Variants in MYO5B observed in about 807,000 individuals in gnomAD.
MYO5B encodes the protein unconventional myosin-Vb.
MYO5B carries 143 observed loss-of-function variants against 229.3 expected under a neutral mutation model. The observed-to-expected ratio is 0.62, with a 90% CI of 0.54 to 0.72. The LOEUF is 0.72. MYO5B is among the 30% of genes least tolerant of loss of function. The pLI is 0.00. For missense variants in MYO5B, 2,321 were observed against 2,331.0 expected (o/e 1.00, Z 0.09); for synonymous variants, 918 against 885.2 (o/e 1.04, Z -0.66).
At chr18:49,969,417 C>T (rs1277177347) in intron 10 of MYO5B, among the ~76,000 whole-genome samples, 2 of 152,194 alleles carry the variant, frequency 1.3e-5, no homozygotes, top group African/African-American at 4.8e-5. Flanking sequence ...AGTCAACCTA[C>T]AGAACGTGAG....
At chr18:50,180,168 C>T (rs1337694373) in intron 1 of MYO5B, among the ~76,000 whole-genome samples, 1 of 152,172 alleles carries the variant, frequency 6.6e-6, no homozygotes, top group African/African-American at 2.4e-5. Flanking sequence ...CAAGGCTGCC[C>T]ACTCAGAACC....
chr18:50,115,690 C>T (rs981748502), intron 1 of MYO5B, among the ~76,000 whole-genome samples: 2 of 152,012 alleles, frequency 1.3e-5, no homozygotes, highest in African/African-American at 2.4e-5. Flanking sequence ...ACAGAATAGT[C>T]TAGAGCCACT....
intron 5 of MYO5B, among the ~76,000 whole-genome samples, chr18:49,994,682 G>A (rs2025968319): frequency 6.6e-6 from 1 of 152,286 alleles, no homozygotes; most frequent in African/African-American, 2.4e-5. Flanking sequence ...AACCAAAGGC[G>A]ATGGGGACTC....
intron 4 of MYO5B, among the ~76,000 whole-genome samples, chr18:50,035,521 C>T (rs549293526): frequency 1.4e-4 from 22 of 152,286 alleles, no homozygotes; most frequent in African/African-American, 5.3e-4. Context: ...TCCTCTGTGC[C>T]ATACCCGCGG....
intron 32 of MYO5B, among the ~76,000 whole-genome samples, chr18:49,848,366 G>A (rs1037411487): frequency 6.6e-5 from 10 of 152,134 alleles, no homozygotes; most frequent in African/African-American, 1.7e-4. Flanking sequence ...GATGAAGGGC[G>A]GGTGGGACTC....
intron 2 of MYO5B, among the ~76,000 whole-genome samples, chr18:50,048,751 G>C (rs1487002634): frequency 1.3e-5 from 2 of 152,106 alleles, no homozygotes; most frequent in African/African-American, 2.4e-5. Context: ...GGCCAGTCAT[G>C]GTGGCTCATG....
At chr18:49,897,043 C>T (rs755736913) in intron 21 of MYO5B, among the ~76,000 whole-genome samples, 1 of 152,160 alleles carries the variant, frequency 6.6e-6, no homozygotes. Flanking sequence ...CTATGGAGAA[C>T]CCTGGAGAGT....
At chr18:49,999,875 C>G (rs1284065104) in intron 5 of MYO5B, among the ~76,000 whole-genome samples, 1 of 152,218 alleles carries the variant, frequency 6.6e-6, no homozygotes, top group Non-Finnish European at 1.5e-5. Context: ...CTCAGGCACC[C>G]TCAAATTTGA....
At chr18:49,856,933 G>A in intron 29 of MYO5B, 43 bp from the exon 30 acceptor site, 4 of 1,522,406 alleles carry the variant, frequency 2.6e-6, no homozygotes, top group Non-Finnish European at 3.6e-6. Context: ...AGTGTAGACG[G>A]AAGAGACAGG....
intron 1 of MYO5B, among the ~76,000 whole-genome samples, chr18:50,183,907 T>C (rs1355411): frequency 0.5 from 76,218 of 151,810 alleles, 19,287 homozygotes; most frequent in Admixed American, 0.59. Context: ...TGACAGGATG[T>C]CCCTCAGATT....
Position 50,037,011 on chromosome 18 carries a change from T to C in MYO5B, c.311-17A>G, listed in dbSNP as rs1292480752. On this transcript the variant is annotated splice_polypyrimidine_tract_variant and intron_variant, in intron 3 of 39. Transcript: ENST00000285039. The stretch of plus-strand genomic sequence containing the variant: ...GTACGATACCTGCAAACAGACAAGG[T>C]GGTCAGATTCCGACAGCACAGAAGA... 1.2e-6 allele frequency: 2 copies of C among 1,613,926 alleles called. No individual in the cohort carries two copies. The highest frequency in any genetic ancestry group is 1.7e-6 in the Non-Finnish European group (2 of 1,179,988).
chr18:49,892,684 CA>C (rs992636436), intron 22 of MYO5B, among the ~76,000 whole-genome samples: 1 of 151,762 alleles, frequency 6.6e-6, no homozygotes, highest in Non-Finnish European at 1.5e-5. Flanking sequence ...GAAGACAAAA[CA>C]AAAAAAAGCC....
chr18:50,156,406 T>G (rs574473200), intron 1 of MYO5B, among the ~76,000 whole-genome samples: 5 of 152,156 alleles, frequency 3.3e-5, no homozygotes, highest in Non-Finnish European at 7.3e-5. Flanking sequence ...CCCCATTCTG[T>G]TTTTCTGATA....
intron 2 of MYO5B, among the ~76,000 whole-genome samples, chr18:50,041,841 A>G (rs2030025029): frequency 6.6e-6 from 1 of 152,226 alleles, no homozygotes; most frequent in Non-Finnish European, 1.5e-5. Flanking sequence ...CAAATGGGAA[A>G]AGGGAAAAGG....
chr18:49,897,770 A>G lies in MYO5B; in HGVS notation c.2812-2596T>C, dbSNP rs1330346120. Reference sequence around the variant, plus strand: ...AGCAATTTTCTAGTAAGCTTAGTGTAGCCTAAGTGTACGGCTTATAAAGTC... The same window carrying G: ...AGCAATTTTCTAGTAAGCTTAGTGTGGCCTAAGTGTACGGCTTATAAAGTC... On this transcript the variant is annotated intron_variant, in intron 21 of 39. Coordinates refer to ENST00000285039, the MANE Select transcript of MYO5B (RefSeq NM_001080467.3). Among the ~76,000 whole-genome samples the G allele has an allele frequency of 1.3e-5, 2 of 152,228 alleles. 1 individual carries two copies. The highest frequency in any genetic ancestry group is 2.9e-5 in the Non-Finnish European group (2 of 68,034).
intron 39 of MYO5B, among the ~76,000 whole-genome samples, chr18:49,830,889 A>G (rs948690476): frequency 3.3e-5 from 5 of 151,806 alleles, no homozygotes; most frequent in African/African-American, 1.2e-4. Context: ...TTCCCATTTG[A>G]AAACTTTTTA....
At chr18:50,043,548 A>G (rs554488421) in intron 2 of MYO5B, among the ~76,000 whole-genome samples, 1 of 125,054 alleles carries the variant, frequency 8.0e-6, no homozygotes, top group Non-Finnish European at 1.6e-5. Flanking sequence ...ATATAAATAT[A>G]AATGTATTTA....
At chr18:50,097,712 T>G (rs1178908643) in intron 1 of MYO5B, 1 of 155,956 alleles carries the variant, frequency 6.4e-6, no homozygotes. Context: ...CACAAGCCAG[T>G]GCTTAGGGAA....
intron 17 of MYO5B, among the ~76,000 whole-genome samples, chr18:49,922,486 C>G (rs2025085341): frequency 6.6e-6 from 1 of 152,076 alleles, no homozygotes; most frequent in African/African-American, 2.4e-5. Flanking sequence ...GGATTAGGCT[C>G]TGGATTAAAT....
Sources: gnomAD v4.1 joint callset for allele counts (sites outside exome capture counted in the v4.1 genomes callset) on GRCh38, gnomAD v4.1.1 for gene constraint, MANE v1.5 for transcripts, NCBI Gene and HGNC (gene_info 2026-07-23, HGNC 2026-07-21) for gene names.